CFAP74: variants seen among roughly 807,000 people sequenced by gnomAD.
CFAP74 encodes the protein cilia and flagella associated protein 74, also known as cilia- and flagella-associated protein 74.
Under a neutral mutation model 188.9 loss-of-function variants are expected in CFAP74, and 124 were observed. The observed-to-expected ratio is 0.66, with a 90% CI of 0.57 to 0.76. The LOEUF (loss-of-function observed/expected upper bound fraction) is 0.76. CFAP74 is among the 30% of genes least tolerant of loss of function. The pLI, the probability that CFAP74 is intolerant of heterozygous loss-of-function variation, is 0.00. For synonymous variants in CFAP74, 956 were observed against 916.7 expected, an observed-to-expected ratio of 1.04 and a Z score of -0.77; for missense variants, 2,198 against 2,165.2, an observed-to-expected ratio of 1.02 and a Z score of -0.30.
chr1:1,942,171 C>T lies in CFAP74; in HGVS notation c.2487-15G>A, dbSNP rs563974737. 2.9e-5 allele frequency: 43 copies of T among 1,495,790 alleles called. No homozygotes were observed. Among genetic ancestry groups the T allele is most frequent in the Non-Finnish European group, 3.6e-5 (41 of 1,127,530 alleles). The allele number at this position is 1,495,790 out of a possible 1,614,324, so 92.7% of individuals were successfully genotyped here. A position where few individuals can be genotyped will look rare whatever the true frequency, so the allele number is the denominator to read the frequency against. ...CAGCTTTCGACCTGTGGGCGTGTCG[C>T]AGGGCACTGGGTCAGGTGCCACAGT... On this transcript the variant is annotated splice_polypyrimidine_tract_variant and intron_variant, in intron 21 of 38. Transcript: ENST00000682832. The surrounding 1 kb of genome is among the most constrained non-coding windows in gnomAD (Gnocchi z 4.3).
chr1:1,988,737 T>G (rs1350227298), intron 3 of CFAP74, 82 bp from the exon 4 acceptor site: 7 of 1,550,206 alleles, frequency 4.5e-6, no homozygotes, highest in Non-Finnish European at 6.1e-6. Flanking sequence ...CCGGGGTAGG[T>G]GCCTGACAGT....
In CFAP74 at chr1:1,968,569, G is replaced by T; in HGVS notation, c.1245+66C>A. ...TCAGAGGATGTCTCACCACACCTGA[G>T]CCCTGAGGCCCCACCTGCCCTCCAC... is the stretch of plus-strand genomic sequence containing the variant. On this transcript the variant is annotated intron_variant, in intron 11 of 38. Transcript: ENST00000682832. The surrounding 1 kb of genome is among the most constrained non-coding windows in gnomAD (Gnocchi z 4.3). The T allele has an allele frequency of 7.2e-7, 1 of 1,386,722 alleles. No homozygotes were observed. Among genetic ancestry groups the T allele is most frequent in the Non-Finnish European group, 1.0e-6 (1 of 991,152 alleles). 85.9% of individuals were successfully genotyped at this position (1,386,722 alleles called of 1,614,324 possible).
chr1:1,936,217 C>CAAAA (rs112657762), intron 25 of CFAP74, among the ~76,000 whole-genome samples: 1 of 100,082 alleles, frequency 1.0e-5, no homozygotes. Context: ...TGCTCCGTCT[C>CAAAA]AAAAAAAAAA....
At position 1,926,897 on chromosome 1, in the gene CFAP74, AAGCTCAGGG is replaced by A; in HGVS notation, c.3650_3658del (p.Pro1217_Phe1220delinsLeu). The A allele has an allele frequency of 6.5e-7, 1 of 1,549,970 alleles. No individual in the cohort carries two copies. On this transcript the variant is annotated inframe_deletion, in exon 29 of 39. Transcript: ENST00000682832. Reference sequence around the variant, plus strand: ...TTCTGGCCAGAGCACCCCGCACCTGAAGCTCAGGGGTTCTGACCCCTTCCTGTCTTTGAT... The same window carrying A: ...TTCTGGCCAGAGCACCCCGCACCTGAGTTCTGACCCCTTCCTGTCTTTGAT...
rs1036278465 is a variant in CFAP74, at chr1:1,922,881, C to T, written c.4683+104G>A. Reference sequence around the variant, plus strand: ...GGAAGTCCGAGAAAAGCCCGGCTGTCAGGACAAGCCCAGTGAGGGGCAAGG... The same window carrying T: ...GGAAGTCCGAGAAAAGCCCGGCTGTTAGGACAAGCCCAGTGAGGGGCAAGG... On this transcript the variant is annotated intron_variant, in intron 37 of 38. Coordinates refer to ENST00000682832, the MANE Select transcript of CFAP74 (RefSeq NM_001304360.2). The T allele has an allele frequency of 4.1e-5, 61 of 1,493,212 alleles. No individual in the cohort carries two copies. In the African/African-American group the frequency reaches 4.8e-4, roughly 12 times the overall value. The allele number at this position is 1,493,212 out of a possible 1,614,324, so 92.5% of individuals were successfully genotyped here.
Position 1,937,908 on chromosome 1 carries a change from G to A in CFAP74, c.3011+947C>T, listed in dbSNP as rs528322944. ...CAGAGGGGTGCCCTGCACAGCATGC[G>A]TGTATACACACATGCACACACACAG... On this transcript the variant is annotated intron_variant, in intron 25 of 38. Transcript: ENST00000682832. Among the ~76,000 whole-genome samples the A allele has an allele frequency of 9.7e-4, 144 of 147,990 alleles. 1 individual carries two copies. Among genetic ancestry groups the A allele is most frequent in the African/African-American group, 3.2e-3 (130 of 40,208 alleles).
rs1226608827 is a variant in CFAP74 at position 1,968,613 on chromosome 1, T to C, written c.1245+22A>G. On this transcript the variant is annotated intron_variant, in intron 11 of 38. Coordinates refer to ENST00000682832, the MANE Select transcript of CFAP74 (RefSeq NM_001304360.2). This position sits in a 1 kb window ranked among gnomAD's most constrained non-coding sequence, Gnocchi z 4.3. ...CCTCCACAGGTGTGCGGCTTCTGTC[T>C]ACAGGAAGGCGTTTTGCTCACCAGT... 1 of 1,606,806 alleles carries C rather than the reference T, an allele frequency of 6.2e-7. No individual in the cohort carries two copies. The highest frequency in any genetic ancestry group is 1.3e-5 in the African/African-American group (1 of 74,768).
intron 21 of CFAP74, among the ~76,000 whole-genome samples, chr1:1,943,534 C>T (rs1219238831): frequency 6.6e-6 from 1 of 152,350 alleles, no homozygotes; most frequent in South Asian, 2.1e-4. Flanking sequence ...ATGGAAACCC[C>T]GCAGGCCCAG....
chr1:1,987,545 C>G (rs1570982760), intron 4 of CFAP74, among the ~76,000 whole-genome samples: 1 of 96,546 alleles, frequency 1.0e-5, no homozygotes, highest in East Asian at 2.4e-4. Flanking sequence ...CTCTGGAGGT[C>G]GCTTTTTTTT....
intron 25 of CFAP74, among the ~76,000 whole-genome samples, chr1:1,938,062 T>G (rs986477832): frequency 7.1e-6 from 1 of 141,578 alleles, no homozygotes; most frequent in Non-Finnish European, 1.5e-5. Flanking sequence ...ACACTCAACC[T>G]TACACACCCA....
intron 14 of CFAP74, among the ~76,000 whole-genome samples, chr1:1,962,825 G>C (rs2102068415): frequency 6.6e-6 from 1 of 152,314 alleles, no homozygotes; most frequent in South Asian, 2.1e-4. Flanking sequence ...GGAAATTGAG[G>C]CTGCAGTGAA....
At position 1,942,279 on chromosome 1, in the gene CFAP74, C is replaced by A. The variant is rs529116246; in HGVS notation, c.2487-123G>T. 1.7e-5 allele frequency: 16 copies of A among 948,740 alleles called. No individual in the cohort carries two copies. Among genetic ancestry groups the A allele is most frequent in the Non-Finnish European group, 2.0e-5 (14 of 690,892 alleles). The allele number at this position is 948,740 out of a possible 1,614,324, so 58.8% of individuals were successfully genotyped here. A position where few individuals can be genotyped will look rare whatever the true frequency, so the allele number is the denominator to read the frequency against. On this transcript the variant is annotated intron_variant, in intron 21 of 38. Coordinates refer to ENST00000682832, the MANE Select transcript of CFAP74 (RefSeq NM_001304360.2). This position sits in a 1 kb window ranked among gnomAD's most constrained non-coding sequence, Gnocchi z 4.3. ...CCCCGAGAGGTGCTCAGAGCCCACCCACTCCAAGCCATGCACGTGCACCTC... is the reference window on the plus strand; with the variant it reads ...CCCCGAGAGGTGCTCAGAGCCCACCAACTCCAAGCCATGCACGTGCACCTC...
chr1:2,000,129 A>T (rs888292784), intron 1 of CFAP74, among the ~76,000 whole-genome samples: 2 of 152,162 alleles, frequency 1.3e-5, no homozygotes, highest in Non-Finnish European at 2.9e-5. Context: ...GTGCCACTGC[A>T]CTCCAGCCTG....
intron 33 of CFAP74, among the ~76,000 whole-genome samples, 192 bp downstream of exon 33, chr1:1,925,591 A>AACAGGCCCCGGGTTCCCTGCAGG (rs1651819331): frequency 1.3e-5 from 2 of 152,162 alleles, no homozygotes; most frequent in Admixed American, 1.3e-4. Context: ...CCTCCCCAGA[A>AACAGGCCCCGGGTTCCCTGCAGG]ACAGGCCCCG....
Position 1,922,063 on chromosome 1 carries a change from G to A in CFAP74, c.*224C>T, listed in dbSNP as rs541986403. The A allele has an allele frequency of 1.2e-4, 63 of 540,186 alleles. No homozygotes were observed. The highest frequency in any genetic ancestry group is 5.8e-5 in the African/African-American group (3 of 51,350). 33.5% of individuals were successfully genotyped at this position (540,186 alleles called of 1,614,324 possible). A position where few individuals can be genotyped will look rare whatever the true frequency, so the allele number is the denominator to read the frequency against. On this transcript the variant is annotated 3_prime_UTR_variant, in exon 39 of 39. Coordinates refer to ENST00000682832, the MANE Select transcript of CFAP74 (RefSeq NM_001304360.2). ...GGCTGAGGGCTGGCCTGGCCTTCTCGCTGCTTCTGAGTCTGGGGTCTCAGG... is the reference window on the plus strand; with the variant it reads ...GGCTGAGGGCTGGCCTGGCCTTCTCACTGCTTCTGAGTCTGGGGTCTCAGG...
rs1276892828 is a variant in CFAP74, at chr1:1,934,561, ACACG to A, written c.3012-4229_3012-4226del. ...TACGTGGGTGTTAGGTTGTAGGTAC[ACACG>A]TGTGTACGTGGGTGTTAGGTTATAG... is the stretch of plus-strand genomic sequence containing the variant. On this transcript the variant is annotated intron_variant, in intron 25 of 38. Coordinates refer to ENST00000682832, the MANE Select transcript of CFAP74 (RefSeq NM_001304360.2). 6.0e-4 allele frequency among the ~76,000 whole-genome samples: 90 copies of A among 150,540 alleles called. 1 individual carries two copies. The highest frequency in any genetic ancestry group is 5.7e-3 in the South Asian group (27 of 4,742).
Position 1,939,593 on chromosome 1 carries a change from C to T in CFAP74, c.2877+1G>A. 1.3e-6 allele frequency: 2 copies of T among 1,535,296 alleles called. No homozygotes were observed. Among genetic ancestry groups the T allele is most frequent in the Non-Finnish European group, 1.7e-6 (2 of 1,146,234 alleles). On this transcript the variant is annotated splice_donor_variant, in intron 24 of 38. Coordinates refer to ENST00000682832, the MANE Select transcript of CFAP74 (RefSeq NM_001304360.2). LOFTEE classifies it high-confidence loss of function. Reference sequence around the variant, plus strand: ...ACCCCAGGCCTGGCTGCAGGAGGTACCTTGGGAAGCCTGACGAACCCGAAC... The same window carrying T: ...ACCCCAGGCCTGGCTGCAGGAGGTATCTTGGGAAGCCTGACGAACCCGAAC...
chr1:1,985,947 C>T (rs972366083), intron 5 of CFAP74, among the ~76,000 whole-genome samples: 1 of 152,252 alleles, frequency 6.6e-6, no homozygotes, highest in East Asian at 1.9e-4. Flanking sequence ...GGGCGGTGGG[C>T]GGTTGCCCAC....
At chr1:1,949,253 G>C (rs1654055785) in intron 18 of CFAP74, among the ~76,000 whole-genome samples, 1 of 150,756 alleles carries the variant, frequency 6.6e-6, no homozygotes, top group Non-Finnish European at 1.5e-5. Context: ...CTGCCTCCCG[G>C]GTTCAAGTGA....
Sources: gnomAD v4.1 joint callset for allele counts (sites outside exome capture counted in the v4.1 genomes callset) on GRCh38, gnomAD v4.1.1 for gene constraint, Gnocchi (gnomAD v3.1) non-coding constraint, MANE v1.5 for transcripts, NCBI Gene and HGNC (gene_info 2026-07-23, HGNC 2026-07-21) for gene names.